GPR39: variants seen among roughly 807,000 people sequenced by gnomAD.
GPR39 encodes the protein zinc sensing receptor.
GPR39 carries 23 observed loss-of-function variants against 18.4 expected under a neutral mutation model. The observed-to-expected ratio is 1.25, with a 90% confidence interval of 0.90 to 1.77. The LOEUF (loss-of-function observed/expected upper bound fraction) is 1.77, where lower values mean the gene tolerates loss of function less well. GPR39 is among the 40% of genes most tolerant of loss of function. The probability of loss-of-function intolerance (pLI) is 0.00; values close to 1 mark genes in which losing one functional copy is unlikely to be tolerated. For missense variants in GPR39, 647 were observed against 602.4 expected (o/e 1.07, Z -0.78); for synonymous variants, 280 against 257.9 (o/e 1.09, Z -0.82).
intron 1 of GPR39, among the ~76,000 whole-genome samples, chr2:132,439,343 G>C (rs1680393283): frequency 6.6e-6 from 1 of 152,220 alleles, no homozygotes; most frequent in African/African-American, 2.4e-5. Flanking sequence ...TACCTGGGTA[G>C]AAATAACCCC....
chr2:132,417,429 C>T lies in GPR39; in HGVS notation c.387C>T (p.Leu129=). 6.2e-7 allele frequency: 1 copy of T among 1,614,176 alleles called. No homozygotes were observed. Among genetic ancestry groups the T allele is most frequent in the East Asian group, 2.2e-5 (1 of 44,866 alleles). Residue 129 remains leucine, a synonymous_variant, in exon 1 of 2, where the codon CTC becomes CTT. Coordinates refer to ENST00000329321, the MANE Select transcript of GPR39 (RefSeq NM_001508.3). ...SYATLLHVLT[L]SFERYIAICH... ...CTACGCTGCTGCACGTGCTGACACT[C>T]AGCTTTGAGCGCTACATCGCCATCT... is the stretch of plus-strand genomic sequence containing the variant.
chr2:132,462,592 A>G (rs952107431), intron 1 of GPR39, among the ~76,000 whole-genome samples: 5 of 152,116 alleles, frequency 3.3e-5, no homozygotes, highest in African/African-American at 1.2e-4. Flanking sequence ...TCCTGCCTCC[A>G]TTTTCTACAG....
intron 1 of GPR39, among the ~76,000 whole-genome samples, chr2:132,583,785 A>C (rs532820793): frequency 6.6e-6 from 1 of 151,108 alleles, no homozygotes; most frequent in African/African-American, 2.4e-5. Flanking sequence ...CTAGCAGTTA[A>C]TGTTCCTTGT....
At chr2:132,463,007 C>G (rs1169027464) in intron 1 of GPR39, among the ~76,000 whole-genome samples, 1 of 152,218 alleles carries the variant, frequency 6.6e-6, no homozygotes, top group African/African-American at 2.4e-5. Context: ...AAAATGTACT[C>G]TGTTCATTCA....
intron 1 of GPR39, among the ~76,000 whole-genome samples, chr2:132,418,159 A>G (rs1016033930): frequency 2.0e-5 from 3 of 152,182 alleles, no homozygotes; most frequent in Non-Finnish European, 2.9e-5. Flanking sequence ...TATATTCCAG[A>G]ACATCACTGC....
intron 1 of GPR39, among the ~76,000 whole-genome samples, chr2:132,591,253 G>T: frequency 2.2e-5 from 2 of 90,668 alleles, no homozygotes; most frequent in East Asian, 4.3e-4. Context: ...GCGAGACTCC[G>T]TCTCAAAAAA....
At chr2:132,559,510 G>T (rs559770745) in intron 1 of GPR39, among the ~76,000 whole-genome samples, 66 of 152,200 alleles carry the variant, frequency 4.3e-4, no homozygotes, top group African/African-American at 1.6e-3. Context: ...GACTTCACGT[G>T]TCAGTGCTGA....
At chr2:132,437,054 C>T (rs564128971) in intron 1 of GPR39, among the ~76,000 whole-genome samples, 2 of 152,216 alleles carry the variant, frequency 1.3e-5, no homozygotes, top group South Asian at 4.1e-4. Context: ...GGTAACACAG[C>T]AATTAAGAAC....
intron 1 of GPR39, among the ~76,000 whole-genome samples, chr2:132,605,935 G>A (rs1265515992): frequency 6.6e-6 from 1 of 152,168 alleles, no homozygotes; most frequent in African/African-American, 2.4e-5. Context: ...TTCATTTAGT[G>A]GGCTTGCCAT....
At chr2:132,493,582 G>A (rs901773872) in intron 1 of GPR39, among the ~76,000 whole-genome samples, 1 of 150,594 alleles carries the variant, frequency 6.6e-6, no homozygotes, top group East Asian at 2.0e-4. Flanking sequence ...TATGGGGGAG[G>A]AGAGAGAAGG....
At chr2:132,525,647 G>C (rs1417630965) in intron 1 of GPR39, among the ~76,000 whole-genome samples, 1 of 152,220 alleles carries the variant, frequency 6.6e-6, no homozygotes, top group Non-Finnish European at 1.5e-5. Context: ...CTACAAGGTG[G>C]AGGAATGGGA....
chr2:132,440,136 C>T (rs1680407589), intron 1 of GPR39, among the ~76,000 whole-genome samples: 1 of 152,170 alleles, frequency 6.6e-6, no homozygotes, highest in South Asian at 2.1e-4. Flanking sequence ...TACAGAGTCC[C>T]CCTGTGCTGA....
chr2:132,574,466 C>T (rs1680497046), intron 1 of GPR39, among the ~76,000 whole-genome samples: 1 of 152,160 alleles, frequency 6.6e-6, no homozygotes, highest in East Asian at 1.9e-4. Context: ...CATGGTGGCT[C>T]ATGCCTGTAA....
chr2:132,634,353 T>C (rs1681711440), intron 1 of GPR39, among the ~76,000 whole-genome samples: 1 of 152,148 alleles, frequency 6.6e-6, no homozygotes, highest in Non-Finnish European at 1.5e-5. Context: ...GCCTGAACTT[T>C]AGAGAGTAAG....
chr2:132,529,221 C>T (rs779537244), intron 1 of GPR39, among the ~76,000 whole-genome samples: 4 of 152,330 alleles, frequency 2.6e-5, no homozygotes, highest in South Asian at 2.1e-4. Flanking sequence ...ACACCTGGCT[C>T]GGAGGGTCCT....
At chr2:132,532,815 T>C (rs1052863706) in intron 1 of GPR39, among the ~76,000 whole-genome samples, 2 of 152,102 alleles carry the variant, frequency 1.3e-5, no homozygotes, top group Non-Finnish European at 2.9e-5. Context: ...CTAAAAACCC[T>C]CAATAAATTA....
chr2:132,426,385 T>C lies in GPR39; in HGVS notation c.856+8487T>C, dbSNP rs13402916. On this transcript the variant is annotated intron_variant, in intron 1 of 1. Coordinates refer to ENST00000329321, the MANE Select transcript of GPR39 (RefSeq NM_001508.3). ...GTCAGAAAGGAAAACAGTATTGAAT[T>C]GATCTTATAATTATCATCCTTTTGG... Among the ~76,000 whole-genome samples, 634 of 152,360 alleles carry C rather than the reference T, an allele frequency of 4.2e-3. 2 individuals carry two copies. Among genetic ancestry groups the C allele is most frequent in the African/African-American group, 0.014 (583 of 41,584 alleles).
chr2:132,624,692 C>T (rs1681509964), intron 1 of GPR39, among the ~76,000 whole-genome samples: 2 of 152,214 alleles, frequency 1.3e-5, no homozygotes, highest in Non-Finnish European at 1.5e-5. Flanking sequence ...TAATCTTCCG[C>T]ATCTGCCTTC....
At chr2:132,422,256 G>C (rs1015117445) in intron 1 of GPR39, among the ~76,000 whole-genome samples, 8 of 152,090 alleles carry the variant, frequency 5.3e-5, no homozygotes, top group Non-Finnish European at 1.0e-4. Flanking sequence ...ATAATTATCT[G>C]GTCTAATTCG....
Sources: gnomAD v4.1 joint callset for allele counts (sites outside exome capture counted in the v4.1 genomes callset) on GRCh38, gnomAD v4.1.1 for gene constraint, MANE v1.5 for transcripts, NCBI Gene and HGNC (gene_info 2026-07-23, HGNC 2026-07-21) for gene names.